DPYSL2: variants seen among roughly 807,000 people sequenced by gnomAD.
The protein encoded by DPYSL2 is dihydropyrimidinase like 2.
In DPYSL2, 13 loss-of-function variants were observed where a neutral mutation model predicts 69.9. The ratio of observed to expected loss-of-function variants is 0.19; its 90% CI spans 0.12 to 0.30. DPYSL2 has a LOEUF of 0.30. Among genes scored for constraint, DPYSL2 ranks in the 10% least tolerant of loss-of-function variants. The pLI is 1.00. For synonymous variants in DPYSL2, 326 were observed against 359.1 expected (o/e 0.91, Z 1.04); for missense variants, 587 against 918.9 (o/e 0.64, Z 4.67).
chr8:26,537,886 G>A (rs577598691), intron 1 of DPYSL2, among the ~76,000 whole-genome samples: 150 of 152,192 alleles, frequency 9.9e-4, no homozygotes, highest in African/African-American at 3.5e-3. Context: ...TTTACTTGTC[G>A]TGTATTTTTT....
chr8:26,524,232 A>G (rs73558552), intron 1 of DPYSL2, among the ~76,000 whole-genome samples: 2,905 of 152,324 alleles, frequency 0.019, 82 homozygotes, highest in African/African-American at 0.064. Context: ...CATCCTACTG[A>G]ATGGGAGATG....
intron 7 of DPYSL2, among the ~76,000 whole-genome samples, chr8:26,628,978 A>T (rs1473066910): frequency 6.6e-6 from 1 of 152,170 alleles, no homozygotes; most frequent in African/African-American, 2.4e-5. Context: ...AAGCAAAGGC[A>T]CCATCTGTGT....
intron 3 of DPYSL2, 110 bp downstream of exon 3, chr8:26,584,093 C>T: frequency 9.5e-7 from 1 of 1,051,090 alleles, no homozygotes; most frequent in Non-Finnish European, 1.4e-6. Flanking sequence ...AGCCACAGTT[C>T]AATCTACCAA....
In DPYSL2 at chr8:26,609,006, A is replaced by T. The variant is rs1802169407; in HGVS notation, c.629-15137A>T. On this transcript the variant is annotated intron_variant, in intron 3 of 13. Coordinates refer to ENST00000521913, the MANE Select transcript of DPYSL2 (RefSeq NM_001197293.3). This position sits in a 1 kb window ranked among gnomAD's most constrained non-coding sequence, Gnocchi z 6.5. ...GAGTTTAGTTTCAATCCAACAGCGG[A>T]TCTGTTTTTTTACTCCATGTAATGG... Among the ~76,000 whole-genome samples, 1 of 152,228 alleles carries T rather than the reference A, an allele frequency of 6.6e-6. No individual in the cohort carries two copies. The highest frequency in any genetic ancestry group is 2.1e-4 in the South Asian group (1 of 4,810).
intron 2 of DPYSL2, among the ~76,000 whole-genome samples, chr8:26,583,131 G>C (rs1801524800): frequency 6.6e-6 from 1 of 151,992 alleles, no homozygotes; most frequent in Non-Finnish European, 1.5e-5. Context: ...ACTTCTCCTA[G>C]ATTAATATTC....
rs1055168526 is a variant in DPYSL2 at position 26,591,577 on chromosome 8, C to G, written c.628+7594C>G. ...AGTCTGATGGGAGCCAGACCCGTTA[C>G]TCCTTCTACTCATGATAGCTTTAGC... On this transcript the variant is annotated intron_variant, in intron 3 of 13. Transcript: ENST00000521913. This position sits in a 1 kb window ranked among gnomAD's most constrained non-coding sequence, Gnocchi z 5.8. Among the ~76,000 whole-genome samples, 1 of 152,198 alleles carries G rather than the reference C, an allele frequency of 6.6e-6. No individual in the cohort carries two copies. Among genetic ancestry groups the G allele is most frequent in the African/African-American group, 2.4e-5 (1 of 41,442 alleles).
At position 26,517,595 on chromosome 8, in the gene DPYSL2, T is replaced by C. The variant is rs1367375238; in HGVS notation, c.354+2916T>C. Reference sequence around the variant, plus strand: ...CAGTGCCCAGGGGTCCTTCAGCCTCTTCCCTTCCTCCTAGGAACTTCCTCC... The same window carrying C: ...CAGTGCCCAGGGGTCCTTCAGCCTCCTCCCTTCCTCCTAGGAACTTCCTCC... On this transcript the variant is annotated intron_variant, in intron 1 of 13. Coordinates refer to ENST00000521913, the MANE Select transcript of DPYSL2 (RefSeq NM_001197293.3). The surrounding 1 kb of genome is among the most constrained non-coding windows in gnomAD (Gnocchi z 4.2). Among the ~76,000 whole-genome samples the C allele has an allele frequency of 6.6e-6, 1 of 152,184 alleles. No individual in the cohort carries two copies. Among genetic ancestry groups the C allele is most frequent in the East Asian group, 1.9e-4 (1 of 5,192 alleles).
At chr8:26,538,343 C>A (rs991008755) in intron 1 of DPYSL2, among the ~76,000 whole-genome samples, 11 of 152,038 alleles carry the variant, frequency 7.2e-5, no homozygotes. Context: ...CTATAGTAAC[C>A]CAGTGGAGCA....
chr8:26,529,698 C>A (rs1287440997), intron 1 of DPYSL2, among the ~76,000 whole-genome samples: 2 of 151,106 alleles, frequency 1.3e-5, no homozygotes, highest in Non-Finnish European at 2.9e-5. Flanking sequence ...ACTGCCCATC[C>A]AACTGCTGGA....
chr8:26,600,751 C>A (rs1010231914), intron 3 of DPYSL2, among the ~76,000 whole-genome samples: 7 of 152,164 alleles, frequency 4.6e-5, no homozygotes, highest in Non-Finnish European at 1.0e-4. Context: ...ACCCTTGAGC[C>A]CTCCCTCTAG....
rs1802370755 is a variant in DPYSL2 at position 26,617,047 on chromosome 8, G to A, written c.629-7096G>A. Among the ~76,000 whole-genome samples the A allele has an allele frequency of 1.3e-5, 2 of 152,186 alleles. No homozygotes were observed. Among genetic ancestry groups the A allele is most frequent in the Admixed American group, 1.3e-4 (2 of 15,282 alleles). On this transcript the variant is annotated intron_variant, in intron 3 of 13. Transcript: ENST00000521913. This position sits in a 1 kb window ranked among gnomAD's most constrained non-coding sequence, Gnocchi z 4.7. ...CTGGAACTGCAGGGAAGCTGTTTCTGACATCCCTGGTTTTAATTACAAAGG... is the reference window on the plus strand; with the variant it reads ...CTGGAACTGCAGGGAAGCTGTTTCTAACATCCCTGGTTTTAATTACAAAGG...
At chr8:26,529,248 C>A (rs1056044220) in intron 1 of DPYSL2, among the ~76,000 whole-genome samples, 8 of 95,038 alleles carry the variant, frequency 8.4e-5, no homozygotes, top group Admixed American at 1.4e-4. Flanking sequence ...ATCTATCTAT[C>A]TATCTATCTA....
Position 26,655,625 on chromosome 8 carries a change from T to A in DPYSL2, c.1953T>A (p.Ile651=). 2 of 1,608,622 alleles carry A rather than the reference T, an allele frequency of 1.2e-6. No individual in the cohort carries two copies. Among genetic ancestry groups the A allele is most frequent in the Non-Finnish European group, 1.7e-6 (2 of 1,177,280 alleles). Residue 651 remains isoleucine, a synonymous_variant, in exon 14 of 14, where the codon ATT becomes ATA. Coordinates refer to ENST00000521913, the MANE Select transcript of DPYSL2 (RefSeq NM_001197293.3). ...QSGFSLSGAQ[I]DDNIPRRTTQ... is the part of the protein sequence containing the mutation. The stretch of plus-strand genomic sequence containing the variant: ...CTCCTCTCCCTCCAGGTGCTCAGAT[T>A]GATGACAACATTCCCCGCCGCACCA...
rs1802203304 is a variant in DPYSL2 at position 26,610,622 on chromosome 8, G to C, written c.629-13521G>C. Among the ~76,000 whole-genome samples, 2 of 151,982 alleles carry C rather than the reference G, an allele frequency of 1.3e-5. No homozygotes were observed. The highest frequency in any genetic ancestry group is 1.3e-4 in the Admixed American group (2 of 15,246). Reference sequence around the variant, plus strand: ...TTTATCCAGTCCCTTCCCACGCCCTGTTCCTCATTGGAATCCTCTGTCCTA... The same window carrying C: ...TTTATCCAGTCCCTTCCCACGCCCTCTTCCTCATTGGAATCCTCTGTCCTA... On this transcript the variant is annotated intron_variant, in intron 3 of 13. Coordinates refer to ENST00000521913, the MANE Select transcript of DPYSL2 (RefSeq NM_001197293.3). The surrounding 1 kb of genome is among the most constrained non-coding windows in gnomAD (Gnocchi z 4.5).
intron 1 of DPYSL2, among the ~76,000 whole-genome samples, chr8:26,563,305 T>C (rs952825471): frequency 3.3e-5 from 5 of 152,206 alleles, no homozygotes; most frequent in African/African-American, 7.2e-5. Flanking sequence ...TTTTGTTTTC[T>C]CTTACATAAA....
rs1801931545 is a variant in DPYSL2 at position 26,598,961 on chromosome 8, G to C, written c.628+14978G>C. On this transcript the variant is annotated intron_variant, in intron 3 of 13. Transcript: ENST00000521913. This position sits in a 1 kb window ranked among gnomAD's most constrained non-coding sequence, Gnocchi z 4.2. ...TGCATGTGCGTTTGGCTCACACCCAGCGGGAGTGCCCTTCTTGTGAAGGAA... is the reference window on the plus strand; with the variant it reads ...TGCATGTGCGTTTGGCTCACACCCACCGGGAGTGCCCTTCTTGTGAAGGAA... Among the ~76,000 whole-genome samples the C allele has an allele frequency of 6.6e-6, 1 of 152,186 alleles. No homozygotes were observed. The highest frequency in any genetic ancestry group is 2.4e-5 in the African/African-American group (1 of 41,420).
At chr8:26,573,895 AT>A (rs11340126) in intron 1 of DPYSL2, among the ~76,000 whole-genome samples, 16,581 of 139,290 alleles carry the variant, frequency 0.12, 1,034 homozygotes, top group African/African-American at 0.14. Flanking sequence ...TGCATTGGGG[AT>A]TTTTTTTTTT....
chr8:26,615,198 A>C (rs1802316970), intron 3 of DPYSL2, among the ~76,000 whole-genome samples: 1 of 152,216 alleles, frequency 6.6e-6, no homozygotes, highest in African/African-American at 2.4e-5. Context: ...CTCAGAGCTC[A>C]GGGGGCCGTT....
intron 1 of DPYSL2, among the ~76,000 whole-genome samples, chr8:26,553,348 CTTATTTT>C (rs1232585923): frequency 1.6e-5 from 2 of 127,762 alleles, no homozygotes; most frequent in Non-Finnish European, 3.3e-5. Flanking sequence ...GTACCCAATA[CTTATTTT>C]TTTCTGATCC....
Sources: allele counts gnomAD v4.1 joint callset (sites outside exome capture counted in the v4.1 genomes callset), GRCh38; gene constraint gnomAD v4.1.1; non-coding constraint Gnocchi (gnomAD v3.1); transcripts MANE v1.5; gene names NCBI Gene and HGNC (gene_info 2026-07-23, HGNC 2026-07-21).